The following PLXDC2 variants were observed in gnomAD, a reference collection of about 807,000 sequenced individuals.
The protein encoded by PLXDC2 is plexin domain-containing protein 2.
In PLXDC2, 40 loss-of-function variants were observed where a neutral mutation model predicts 68.9. The ratio of observed to expected loss-of-function variants is 0.58; its 90% CI spans 0.45 to 0.76. PLXDC2 has a LOEUF of 0.76. Ranked by LOEUF, PLXDC2 falls within the 30% of genes least tolerant of loss-of-function variation. PLXDC2 has a pLI of 0.00. For missense variants in PLXDC2, 644 were observed against 661.9 expected (o/e 0.97, Z 0.30); for synonymous variants, 243 against 234.2 (o/e 1.04, Z -0.34).
intron 1 of PLXDC2, among the ~76,000 whole-genome samples, chr10:19,912,690 A>T (rs886600736): frequency 6.6e-6 from 1 of 152,188 alleles, no homozygotes; most frequent in African/African-American, 2.4e-5. Context: ...AATAACTTTG[A>T]AAACTGCCAC....
chr10:20,275,341 C>T (rs935686284), intron 13 of PLXDC2, among the ~76,000 whole-genome samples: 1 of 152,144 alleles, frequency 6.6e-6, no homozygotes, highest in African/African-American at 2.4e-5. Flanking sequence ...CCCCCTAGGC[C>T]TCTCTGAGAT....
chr10:19,874,336 A>G (rs1367252326), intron 1 of PLXDC2, among the ~76,000 whole-genome samples: 1 of 152,206 alleles, frequency 6.6e-6, no homozygotes, highest in Non-Finnish European at 1.5e-5. Flanking sequence ...CTTTTAAACC[A>G]TGGATCTCCT....
intron 4 of PLXDC2, among the ~76,000 whole-genome samples, chr10:20,115,051 T>C (rs894349980): frequency 3.9e-5 from 6 of 152,200 alleles, no homozygotes; most frequent in Admixed American, 6.5e-5. Flanking sequence ...TCTCTTCAAA[T>C]ACAGTTGTTT....
At chr10:20,117,257 G>T (rs1255918347) in intron 4 of PLXDC2, among the ~76,000 whole-genome samples, 2 of 152,108 alleles carry the variant, frequency 1.3e-5, no homozygotes, top group African/African-American at 2.4e-5. Flanking sequence ...AAAATTAAAA[G>T]ATTTCCAAGA....
At chr10:20,031,136 G>A (rs1835495112) in intron 2 of PLXDC2, among the ~76,000 whole-genome samples, 1 of 152,128 alleles carries the variant, frequency 6.6e-6, no homozygotes, top group Non-Finnish European at 1.5e-5. Context: ...GAGAGGCTGA[G>A]GCAGAAGGAC....
chr10:20,243,385 T>A (rs2119330435), intron 12 of PLXDC2, among the ~76,000 whole-genome samples: 1 of 152,360 alleles, frequency 6.6e-6, no homozygotes, highest in East Asian at 1.9e-4. Context: ...AACTATTATA[T>A]AATGAATTAC....
At chr10:19,847,754 C>T (rs778172414) in intron 1 of PLXDC2, among the ~76,000 whole-genome samples, 2 of 152,156 alleles carry the variant, frequency 1.3e-5, no homozygotes, top group African/African-American at 2.4e-5. Context: ...AGGCAATTTA[C>T]GTGCATGATT....
chr10:20,204,119 G>A (rs7905450), intron 9 of PLXDC2, among the ~76,000 whole-genome samples: 136,661 of 152,072 alleles, frequency 0.9, 61,704 homozygotes, highest in Non-Finnish European at 0.95. Context: ...TTTTAGGGGA[G>A]ATGTGTTTAG....
chr10:19,884,754 G>T (rs1210275328), intron 1 of PLXDC2, among the ~76,000 whole-genome samples: 1 of 152,140 alleles, frequency 6.6e-6, no homozygotes, highest in African/African-American at 2.4e-5. Context: ...GTCTATCGTT[G>T]TTGGACATTT....
chr10:20,153,480 T>A (rs1453624420), intron 6 of PLXDC2, among the ~76,000 whole-genome samples: 1 of 152,202 alleles, frequency 6.6e-6, no homozygotes, highest in Non-Finnish European at 1.5e-5. Flanking sequence ...AAGTTTTCAG[T>A]GGAAGCTTTC....
chr10:20,063,866 A>T (rs1041613134), intron 3 of PLXDC2, among the ~76,000 whole-genome samples: 2 of 152,322 alleles, frequency 1.3e-5, no homozygotes, highest in Middle Eastern at 3.4e-3. Flanking sequence ...AGTCTTCAAA[A>T]AATGTTTCAT....
intron 2 of PLXDC2, among the ~76,000 whole-genome samples, chr10:20,017,843 AAAG>A (rs1328537256): frequency 1.3e-5 from 2 of 152,236 alleles, no homozygotes; most frequent in African/African-American, 2.4e-5. Context: ...TCCGGTGTTA[AAAG>A]AAGGAGAAAG....
At chr10:20,237,628 C>T (rs77166562) in intron 12 of PLXDC2, among the ~76,000 whole-genome samples, 15,567 of 152,138 alleles carry the variant, frequency 0.1, 900 homozygotes, top group African/African-American at 0.14. Flanking sequence ...GGTACTGTTC[C>T]ATGGGGGAAT....
At chr10:20,133,559 A>T (rs1170420029) in intron 4 of PLXDC2, among the ~76,000 whole-genome samples, 1 of 152,156 alleles carries the variant, frequency 6.6e-6, no homozygotes, top group East Asian at 1.9e-4. Context: ...CCTGCTGAGA[A>T]ACACCCTGGT....
At chr10:20,168,150 G>A (rs571489603) in intron 7 of PLXDC2, among the ~76,000 whole-genome samples, 1 of 152,028 alleles carries the variant, frequency 6.6e-6, no homozygotes, top group African/African-American at 2.4e-5. Context: ...GGAAAAGTAT[G>A]GTAAAACTAA....
At chr10:20,130,439 C>T (rs1260233912) in intron 4 of PLXDC2, among the ~76,000 whole-genome samples, 1 of 152,016 alleles carries the variant, frequency 6.6e-6, no homozygotes, top group Non-Finnish European at 1.5e-5. Flanking sequence ...AGCATTATGT[C>T]ATCTGCAAAG....
At chr10:20,138,440 A>C (rs767875150) in intron 4 of PLXDC2, among the ~76,000 whole-genome samples, 1 of 152,216 alleles carries the variant, frequency 6.6e-6, no homozygotes, top group Admixed American at 6.5e-5. Flanking sequence ...AAGGCTGGAC[A>C]CATAATGACT....
At chr10:20,063,938 C>T (rs530246075) in intron 3 of PLXDC2, among the ~76,000 whole-genome samples, 9 of 152,242 alleles carry the variant, frequency 5.9e-5, no homozygotes, top group Non-Finnish European at 1.0e-4. Context: ...AGTTACCATT[C>T]CCCCTTCTTT....
At chr10:19,931,127 TTAGA>T (rs1263227579) in intron 1 of PLXDC2, among the ~76,000 whole-genome samples, 1 of 152,222 alleles carries the variant, frequency 6.6e-6, no homozygotes, top group Non-Finnish European at 1.5e-5. Flanking sequence ...GTCTGGTTAG[TTAGA>T]TGACTTTGGA....
Sources: allele counts gnomAD v4.1 joint callset (sites outside exome capture counted in the v4.1 genomes callset), GRCh38; gene constraint gnomAD v4.1.1; transcripts MANE v1.5; gene names NCBI Gene and HGNC (gene_info 2026-07-23, HGNC 2026-07-21).